The following SLX9 variants were observed in gnomAD, a reference collection of about 807,000 sequenced individuals.
SLX9 encodes the protein SLX9 ribosome biogenesis factor.
A neutral mutation model predicts 20.8 loss-of-function variants in SLX9; 19 were observed. That is an observed-to-expected ratio of 0.91 (90% CI 0.64 to 1.34). The LOEUF is 1.34. Ranked by LOEUF, SLX9 falls within the 40% of genes most tolerant of loss-of-function variation. SLX9 has a pLI of 0.00. For synonymous variants in SLX9, 113 were observed against 137.1 expected (o/e 0.82, Z 1.23); for missense variants, 299 against 322.2 (o/e 0.93, Z 0.55).
chr21:44,971,303 C>A (rs1057428176), intron 4 of SLX9, among the ~76,000 whole-genome samples: 3 of 152,186 alleles, frequency 2.0e-5, no homozygotes, highest in African/African-American at 4.8e-5. Flanking sequence ...CGTGGAGTCG[C>A]GTCCCTGCCG....
intron 1 of SLX9, among the ~76,000 whole-genome samples, chr21:44,943,413 C>A (rs1232391823): frequency 2.0e-5 from 3 of 152,130 alleles, no homozygotes; most frequent in Non-Finnish European, 4.4e-5. Context: ...AGATACTGGT[C>A]CTGACTCCTG....
rs2085270920 is a variant in SLX9 at position 44,976,727 on chromosome 21, A to T, written c.617A>T (p.Tyr206Phe). The T allele has an allele frequency of 6.4e-7, 1 of 1,572,220 alleles. No homozygotes were observed. Among genetic ancestry groups the T allele is most frequent in the Non-Finnish European group, 8.6e-7 (1 of 1,159,572 alleles). The change falls in exon 6 of 6, where the codon TAC becomes TTC. Residue 206 changes from tyrosine (Y) to phenylalanine (F), a missense_variant. Coordinates refer to ENST00000291634, the MANE Select transcript of SLX9 (RefSeq NM_058190.4). ...CAGGAGCTGCTGGCCAGTCCGGCCTACAGAGCCAGCCCCCTGGTGGCCATC... is the reference window on the plus strand; with the variant it reads ...CAGGAGCTGCTGGCCAGTCCGGCCTTCAGAGCCAGCCCCCTGGTGGCCATC... The part of the protein sequence containing the change: ...RFQELLASPA[Y>F]RASPLVAIGQ...
At chr21:44,946,348 C>T (rs1305171591) in intron 2 of SLX9, among the ~76,000 whole-genome samples, 3 of 151,864 alleles carry the variant, frequency 2.0e-5, no homozygotes, top group Admixed American at 1.3e-4. Context: ...GCCCTGAGCT[C>T]GTGCTGACAG....
chr21:44,955,600 C>T (rs866053207), intron 2 of SLX9, among the ~76,000 whole-genome samples: 1 of 152,140 alleles, frequency 6.6e-6, no homozygotes, highest in Non-Finnish European at 1.5e-5. Flanking sequence ...ACTGCAGCTT[C>T]GACCTCCTGG....
At chr21:44,975,515 C>T (rs2085245620) in intron 5 of SLX9, among the ~76,000 whole-genome samples, 1 of 152,376 alleles carries the variant, frequency 6.6e-6, no homozygotes, top group Admixed American at 6.5e-5. Context: ...GCTTCGCTTC[C>T]AAGCGTCACT....
intron 1 of SLX9, among the ~76,000 whole-genome samples, chr21:44,940,584 C>T (rs1056917500): frequency 3.9e-5 from 6 of 152,176 alleles, no homozygotes; most frequent in Admixed American, 1.3e-4. Context: ...TGGCCTGTTT[C>T]TCCATCCCCC....
In SLX9 at chr21:44,940,185, A is replaced by G. The variant is rs1341534706; in HGVS notation, c.128A>G (p.Lys43Arg). The change falls in exon 1 of 6, where the codon AAG becomes AGG. Residue 43 changes from lysine (K) to arginine (R), a missense_variant and splice_region_variant. Coordinates refer to ENST00000291634, the MANE Select transcript of SLX9 (RefSeq NM_058190.4). Reference protein sequence around the residue: ...ATPPPASAAGKDWAFINTNIF... With the variant: ...ATPPPASAAGRDWAFINTNIF... ...CCTCCGCCGGCCTCGGCCGCGGGGAAGGTGAGCTGGGGAGGCGCTGGCCGG... is the reference window on the plus strand; with the variant it reads ...CCTCCGCCGGCCTCGGCCGCGGGGAGGGTGAGCTGGGGAGGCGCTGGCCGG... The G allele has an allele frequency of 2.1e-5, 27 of 1,256,500 alleles. No homozygotes were observed. The highest frequency in any genetic ancestry group is 4.7e-5 in the African/African-American group (3 of 63,794). 77.8% of individuals were successfully genotyped at this position (1,256,500 alleles called of 1,614,324 possible). A position where few individuals can be genotyped will look rare whatever the true frequency, so the allele number is the denominator to read the frequency against.
At chr21:44,944,792 G>A (rs2084612890) in intron 2 of SLX9, among the ~76,000 whole-genome samples, 1 of 152,360 alleles carries the variant, frequency 6.6e-6, no homozygotes, top group South Asian at 2.1e-4. Flanking sequence ...GGCCCGTTAA[G>A]ATCGTGGGCT....
At position 44,947,452 on chromosome 21, in the gene SLX9, G is replaced by C. The variant is rs527532732; in HGVS notation, c.283+3615G>C. 7.9e-4 allele frequency among the ~76,000 whole-genome samples: 120 copies of C among 152,296 alleles called. 1 individual carries two copies. In the Middle Eastern group the frequency reaches 0.014, roughly 17 times the overall value. On this transcript the variant is annotated intron_variant, in intron 2 of 5. Transcript: ENST00000291634. The stretch of plus-strand genomic sequence containing the variant: ...GTGGCCCATCACCTGGTGGACACCC[G>C]TGTGCCCATCTGCACCCCTCCTCCC...
At chr21:44,959,170 G>C (rs904316888) in intron 2 of SLX9, 8 of 979,284 alleles carry the variant, frequency 8.2e-6, no homozygotes, top group Non-Finnish European at 9.7e-6. Context: ...AATGCAGAGC[G>C]CAGCGACTGC....
At chr21:44,957,385 C>G in intron 2 of SLX9, among the ~76,000 whole-genome samples, 1 of 152,222 alleles carries the variant, frequency 6.6e-6, no homozygotes, top group East Asian at 1.9e-4. Flanking sequence ...TGCCTCTATG[C>G]AGATCGCTCC....
intron 2 of SLX9, among the ~76,000 whole-genome samples, chr21:44,946,588 A>T (rs1457472017): frequency 6.6e-6 from 1 of 152,214 alleles, no homozygotes; most frequent in East Asian, 1.9e-4. Context: ...GGGATTCAGG[A>T]GAAGGTGCTC....
chr21:44,975,038 C>T (rs751198842), intron 5 of SLX9, among the ~76,000 whole-genome samples: 15 of 152,234 alleles, frequency 9.9e-5, no homozygotes, highest in Non-Finnish European at 1.5e-4. Context: ...TTTGGTTTCT[C>T]GCTGCTTCTG....
At chr21:44,941,518 A>C (rs2084548264) in intron 1 of SLX9, among the ~76,000 whole-genome samples, 1 of 150,226 alleles carries the variant, frequency 6.7e-6, no homozygotes, top group South Asian at 2.1e-4. Context: ...TAAGCTCCTC[A>C]CTGGTCAGCA....
At chr21:44,968,574 G>C (rs779203562) in intron 4 of SLX9, among the ~76,000 whole-genome samples, 106 of 152,192 alleles carry the variant, frequency 7.0e-4, no homozygotes, top group Non-Finnish European at 1.2e-3. Context: ...CGTGAAAGGA[G>C]AGCAGCCTCT....
intron 2 of SLX9, among the ~76,000 whole-genome samples, chr21:44,954,119 G>T (rs73906974): frequency 6.6e-6 from 1 of 152,116 alleles, no homozygotes; most frequent in African/African-American, 2.4e-5. Flanking sequence ...GGGTCCTTGT[G>T]GGGTGAGCTA....
intron 5 of SLX9, 74 bp from the exon 6 acceptor site, chr21:44,976,606 G>C (rs2085267912): frequency 6.5e-7 from 1 of 1,528,830 alleles, no homozygotes; most frequent in Admixed American, 2.0e-5. Flanking sequence ...TTCGGTGTCT[G>C]ACGTTTCCGG....
At chr21:44,958,910 A>C (rs1167959654) in intron 2 of SLX9, among the ~76,000 whole-genome samples, 2 of 152,194 alleles carry the variant, frequency 1.3e-5, no homozygotes, top group Non-Finnish European at 2.9e-5. Context: ...TCTTCATTCC[A>C]ACACAACACA....
At chr21:44,966,892 A>T in intron 3 of SLX9, 142 bp from the exon 4 acceptor site, 2 of 1,067,086 alleles carry the variant, frequency 1.9e-6, no homozygotes, top group Non-Finnish European at 2.8e-6. Flanking sequence ...GCAGGTTCCC[A>T]GGGGCGGAAT....
Sources: allele counts gnomAD v4.1 joint callset (sites outside exome capture counted in the v4.1 genomes callset), GRCh38; gene constraint gnomAD v4.1.1; transcripts MANE v1.5; gene names NCBI Gene and HGNC (gene_info 2026-07-23, HGNC 2026-07-21).